Variants in TASOR observed in about 807,000 individuals in gnomAD.
The protein encoded by TASOR is protein TASOR.
TASOR carries 53 observed loss-of-function variants against 178.6 expected under a neutral mutation model. The ratio of observed to expected loss-of-function variants is 0.30; its 90% CI spans 0.24 to 0.37. The LOEUF is 0.37. Ranked by LOEUF, TASOR falls within the 10% of genes least tolerant of loss-of-function variation. The pLI is 1.00. For synonymous variants in TASOR, 713 were observed against 696.2 expected (o/e 1.02, Z -0.38); for missense variants, 1,815 against 1,971.4 (o/e 0.92, Z 1.50).
At chr3:56,671,758 A>ATT in intron 2 of TASOR, 66 bp from the exon 3 acceptor site, 3 of 1,262,920 alleles carry the variant, frequency 2.4e-6, no homozygotes, top group South Asian at 1.4e-5. Flanking sequence ...TACAAGTTTT[A>ATT]TTTTTTTTTC....
At position 56,670,105 on chromosome 3, in the gene TASOR, G is replaced by C. The variant is rs1215935277; in HGVS notation, c.611C>G (p.Ser204Cys). The C allele has an allele frequency of 1.3e-6, 2 of 1,541,030 alleles. No homozygotes were observed. Among genetic ancestry groups the C allele is most frequent in the Non-Finnish European group, 1.8e-6 (2 of 1,142,624 alleles). ...AGGACTGCCAAGAATTGTTATTTTGGACTGACCCACATGTAATCCTTTTTC... is the reference window on the plus strand; with the variant it reads ...AGGACTGCCAAGAATTGTTATTTTGCACTGACCCACATGTAATCCTTTTTC... ...ICEKGLHVGQ[S>C]KITILGSPSM... is the part of the protein sequence containing the mutation. Residue 204 changes from serine (S) to cysteine (C), a missense_variant, in exon 4 of 24, where the codon TCC becomes TGC. This residue lies in a region of TASOR where 504 missense variants were observed against 645.3 expected (regional missense o/e 0.78). Transcript: ENST00000683822.
chr3:56,675,344 T>C (rs745925086), intron 1 of TASOR, among the ~76,000 whole-genome samples: 1 of 151,856 alleles, frequency 6.6e-6, no homozygotes, highest in Non-Finnish European at 1.5e-5. Flanking sequence ...GCCCAGCTAA[T>C]TTTTAGATTT....
At chr3:56,636,933 G>A (rs1017431700) in intron 17 of TASOR, among the ~76,000 whole-genome samples, 1 of 151,932 alleles carries the variant, frequency 6.6e-6, no homozygotes, top group Non-Finnish European at 1.5e-5. Flanking sequence ...CAACACTTTG[G>A]GAGGCCAAGG....
chr3:56,656,372 G>T (rs1238267831), intron 11 of TASOR, among the ~76,000 whole-genome samples: 3 of 152,098 alleles, frequency 2.0e-5, no homozygotes, highest in Non-Finnish European at 4.4e-5. Flanking sequence ...CAGATCACTT[G>T]AGGTCAAGAG....
intron 1 of TASOR, among the ~76,000 whole-genome samples, chr3:56,674,600 A>T (rs1169470411): frequency 6.6e-6 from 1 of 152,236 alleles, no homozygotes; most frequent in Non-Finnish European, 1.5e-5. Flanking sequence ...ACAACTTAGT[A>T]AAATGAAAAC....
In TASOR at chr3:56,624,960, G is replaced by T. The variant is rs1055283016; in HGVS notation, c.4186C>A (p.Gln1396Lys). Reference sequence around the variant, plus strand: ...AAAATTTCAACCAGATGTTTCTTCTGATAGACATTCAGAAGCGTCAACAGA... The same window carrying T: ...AAAATTTCAACCAGATGTTTCTTCTTATAGACATTCAGAAGCGTCAACAGA... ...LSLLTLLNVY[Q>K]KKHLVEILSY... The change falls in exon 22 of 24, where the codon CAG becomes AAG. Residue 1396 changes from glutamine to lysine, a missense_variant. By Grantham distance (53) the Gln-to-Lys change is moderately conservative. Coordinates refer to ENST00000683822, the MANE Select transcript of TASOR (RefSeq NM_001365635.2). 6.8e-6 allele frequency: 11 copies of T among 1,614,030 alleles called. No individual in the cohort carries two copies. The highest frequency in any genetic ancestry group is 7.6e-6 in the Non-Finnish European group (9 of 1,180,034).
At chr3:56,673,867 G>T (rs538583061) in intron 1 of TASOR, 142 bp from the exon 2 acceptor site, 1 of 697,710 alleles carries the variant, frequency 1.4e-6, no homozygotes, top group Non-Finnish European at 2.3e-6. Flanking sequence ...ACGCAAAAGA[G>T]ATACTTATTA....
In TASOR at chr3:56,631,585, T is replaced by G. The variant is rs555555754; in HGVS notation, c.3747+1459A>C. Among the ~76,000 whole-genome samples, 832 of 92,610 alleles carry G rather than the reference T, an allele frequency of 9.0e-3. 14 individuals are homozygous for G. Among genetic ancestry groups the G allele is most frequent in the African/African-American group, 0.041 (804 of 19,728 alleles). The allele number at this position is 92,610 out of a possible 152,430, so 60.8% of individuals were successfully genotyped here. A position where few individuals can be genotyped will look rare whatever the true frequency, so the allele number is the denominator to read the frequency against. On this transcript the variant is annotated intron_variant, in intron 18 of 23. Coordinates refer to ENST00000683822, the MANE Select transcript of TASOR (RefSeq NM_001365635.2). The stretch of plus-strand genomic sequence containing the variant: ...GTGTGTGTGTGTCTGTGTTTTTTTG[T>G]TTTTTTTTTTTTTTTTGAGATGGAG...
At chr3:56,642,893 T>C (rs893971575) in intron 14 of TASOR, among the ~76,000 whole-genome samples, 10 of 152,100 alleles carry the variant, frequency 6.6e-5, no homozygotes, top group African/African-American at 2.4e-4. Flanking sequence ...GGAGAATCAC[T>C]TGAACCCAGG....
rs1479968982 is a variant in TASOR, at chr3:56,660,749, T to C, written c.1350A>G (p.Lys450=). 6.2e-7 allele frequency: 1 copy of C among 1,613,122 alleles called. No homozygotes were observed. The highest frequency in any genetic ancestry group is 8.5e-7 in the Non-Finnish European group (1 of 1,179,838). ...CACTCACAAGTTTTTCTCTGTCTAG[T>C]TTTTGCAGTAAACTCTCCATGTTAC... ...IGSNMESLLQ[K]LDREKLVLVK... The change falls in exon 11 of 24, where the codon AAA becomes AAG. Residue 450 remains lysine, a synonymous_variant. Transcript: ENST00000683822.
At chr3:56,658,330 T>G (rs2077515794) in intron 11 of TASOR, among the ~76,000 whole-genome samples, 1 of 152,214 alleles carries the variant, frequency 6.6e-6, no homozygotes, top group Non-Finnish European at 1.5e-5. Flanking sequence ...AGGAACGAAA[T>G]GCCATCTTTC....
At position 56,628,624 on chromosome 3, in the gene TASOR, A is replaced by T. The variant is rs1412845277; in HGVS notation, c.3748-10T>A. 2 of 1,500,034 alleles carry T rather than the reference A, an allele frequency of 1.3e-6. No homozygotes were observed. Among genetic ancestry groups the T allele is most frequent in the Non-Finnish European group, 1.8e-6 (2 of 1,100,032 alleles). The allele number at this position is 1,500,034 out of a possible 1,614,324, so 92.9% of individuals were successfully genotyped here. A position where few individuals can be genotyped will look rare whatever the true frequency, so the allele number is the denominator to read the frequency against. ...ATTTGATAAGATATTCCTGTTAAAG[A>T]AAAACAACTAAATCAATATTAAAAT... On this transcript the variant is annotated splice_polypyrimidine_tract_variant and intron_variant, in intron 18 of 23. Transcript: ENST00000683822.
intron 11 of TASOR, among the ~76,000 whole-genome samples, chr3:56,656,887 G>A (rs2077481950): frequency 6.6e-6 from 1 of 151,728 alleles, no homozygotes; most frequent in African/African-American, 2.4e-5. Context: ...GAGCATGCCT[G>A]TAATCCCAGC....
At chr3:56,669,643 A>C in intron 5 of TASOR, 57 bp downstream of exon 5, 1 of 1,120,542 alleles carries the variant, frequency 8.9e-7, no homozygotes, top group Non-Finnish European at 1.3e-6. Flanking sequence ...TCATCTAAAA[A>C]TTAAAATCCA....
intron 1 of TASOR, among the ~76,000 whole-genome samples, chr3:56,676,115 C>T (rs756533492): frequency 2.2e-4 from 33 of 151,828 alleles, no homozygotes; most frequent in Non-Finnish European, 1.2e-4. Flanking sequence ...GACGAATATG[C>T]TCGGTAACCT....
chr3:56,627,093 T>G lies in TASOR; in HGVS notation c.4083A>C (p.Gly1361=). 1 of 1,613,298 alleles carries G rather than the reference T, an allele frequency of 6.2e-7. No individual in the cohort carries two copies. Among genetic ancestry groups the G allele is most frequent in the Non-Finnish European group, 8.5e-7 (1 of 1,179,584 alleles). The change falls in exon 21 of 24, where the codon GGA becomes GGC. Residue 1361 remains glycine, a synonymous_variant. Transcript: ENST00000683822. ...TACAGTGGACTTTCCATTGCCATTT[T>G]CCTTCTGGAGTACTAAGTTCCTCAA... is the stretch of plus-strand genomic sequence containing the variant. ...TFLEELSTPE[G]KWQWKVHCKF... is the part of the protein sequence containing the mutation.
intron 11 of TASOR, among the ~76,000 whole-genome samples, chr3:56,659,284 G>T (rs1326475113): frequency 4.6e-5 from 7 of 152,110 alleles, no homozygotes; most frequent in Non-Finnish European, 8.8e-5. Flanking sequence ...ATTAAATGGC[G>T]CACCTATGCA....
intron 4 of TASOR, 48 bp downstream of exon 4, chr3:56,670,025 A>AC: frequency 8.1e-7 from 1 of 1,230,244 alleles, no homozygotes; most frequent in Non-Finnish European, 1.1e-6. Flanking sequence ...GTATTTTTAG[A>AC]CAGCAACTTA....
Position 56,671,706 on chromosome 3 carries a change from A to AAACTAT in TASOR, c.478-20_478-15dup. The AAACTAT allele has an allele frequency of 1.3e-6, 2 of 1,516,776 alleles. No homozygotes were observed. The highest frequency in any genetic ancestry group is 1.8e-6 in the Non-Finnish European group (2 of 1,120,792). 94.0% of individuals were successfully genotyped at this position (1,516,776 alleles called of 1,614,324 possible). A position where few individuals can be genotyped will look rare whatever the true frequency, so the allele number is the denominator to read the frequency against. On this transcript the variant is annotated splice_polypyrimidine_tract_variant and intron_variant, in intron 2 of 23. Transcript: ENST00000683822. ...CTTTTCTGTAAACTAAATGAAATTAAAACTATAACAACTACTTAGCATGTG... is the reference window on the plus strand; with the variant it reads ...CTTTTCTGTAAACTAAATGAAATTAAAACTATAACTATAACAACTACTTAGCATGTG...
Sources: allele counts gnomAD v4.1 joint callset (sites outside exome capture counted in the v4.1 genomes callset), GRCh38; gene constraint gnomAD v4.1.1; regional missense constraint gnomAD v4.1.1; transcripts MANE v1.5; gene names NCBI Gene and HGNC (gene_info 2026-07-23, HGNC 2026-07-21).